QTMAN: variants seen among roughly 807,000 people sequenced by gnomAD.
QTMAN encodes tRNA-queuosine alpha-mannosyltransferase.
the QTMAN span, among the ~76,000 whole-genome samples, chr2:144,087,465 G>A: frequency 6.6e-6 from 1 of 151,998 alleles, no homozygotes; most frequent in Non-Finnish European, 1.5e-5. Flanking sequence ...TATGAGGCCA[G>A]CATCCCCATG....
At chr2:144,216,046 C>A in the QTMAN span, among the ~76,000 whole-genome samples, 11 of 152,288 alleles carry the variant, frequency 7.2e-5, no homozygotes, top group African/African-American at 2.6e-4. Flanking sequence ...AATTCCTTTT[C>A]CCCAACTTCC....
chr2:144,310,764 T>C, the QTMAN span, among the ~76,000 whole-genome samples: 4 of 152,202 alleles, frequency 2.6e-5, no homozygotes, highest in African/African-American at 7.2e-5. Context: ...TGGACTTAGA[T>C]GGCGAAGATT....
At chr2:144,233,015 C>T in the QTMAN span, among the ~76,000 whole-genome samples, 1 of 152,218 alleles carries the variant, frequency 6.6e-6, no homozygotes, top group Non-Finnish European at 1.5e-5. Flanking sequence ...AGTTCACTTG[C>T]TTATCTACCA....
the QTMAN span, among the ~76,000 whole-genome samples, chr2:144,059,575 T>C: frequency 6.6e-6 from 1 of 152,208 alleles, no homozygotes; most frequent in African/African-American, 2.4e-5. Flanking sequence ...GAATGATCTC[T>C]GGTATAGACT....
At chr2:144,037,213 G>A in the QTMAN span, among the ~76,000 whole-genome samples, 1 of 152,178 alleles carries the variant, frequency 6.6e-6, no homozygotes, top group Admixed American at 6.5e-5. Flanking sequence ...GAACTAAATA[G>A]AAATAGTGCT....
chr2:144,162,877 T>C, the QTMAN span, among the ~76,000 whole-genome samples: 1 of 152,136 alleles, frequency 6.6e-6, no homozygotes, highest in Non-Finnish European at 1.5e-5. Context: ...AGTTTGCAGA[T>C]AGGGGGCATC....
chr2:143,990,186 G>T, the QTMAN span, among the ~76,000 whole-genome samples: 1 of 152,040 alleles, frequency 6.6e-6, no homozygotes, highest in South Asian at 2.1e-4. Context: ...AATCCTGGCT[G>T]CACAGTAGAG....
the QTMAN span, among the ~76,000 whole-genome samples, chr2:144,127,369 A>G: frequency 6.6e-6 from 1 of 152,044 alleles, no homozygotes; most frequent in Non-Finnish European, 1.5e-5. Flanking sequence ...CCCAAGTTCT[A>G]TAAAAGGACT....
chr2:143,944,047 A>C, the QTMAN span: 1 of 152,186 alleles, frequency 6.6e-6, no homozygotes, highest in African/African-American at 2.4e-5. Context: ...AAAAAAAAAG[A>C]GGAAGACTAA....
chr2:144,070,910 C>T, the QTMAN span, among the ~76,000 whole-genome samples: 1 of 152,008 alleles, frequency 6.6e-6, no homozygotes, highest in African/African-American at 2.4e-5. Flanking sequence ...GTAAACCGTA[C>T]CATGACATGA....
the QTMAN span, among the ~76,000 whole-genome samples, chr2:144,045,439 T>C: frequency 6.6e-6 from 1 of 152,220 alleles, no homozygotes; most frequent in Non-Finnish European, 1.5e-5. Context: ...AGATGCAAGA[T>C]TTGAATCCAG....
At chr2:144,058,337 A>C in the QTMAN span, among the ~76,000 whole-genome samples, 1 of 152,168 alleles carries the variant, frequency 6.6e-6, no homozygotes, top group African/African-American at 2.4e-5. Context: ...GGAACTAAGT[A>C]ATATAAGCAG....
At chr2:144,107,489 A>G in the QTMAN span, among the ~76,000 whole-genome samples, 2 of 152,250 alleles carry the variant, frequency 1.3e-5, no homozygotes, top group East Asian at 3.8e-4. Flanking sequence ...CTATGAAAAT[A>G]AACTAGAAAA....
At chr2:144,286,154 G>C in the QTMAN span, among the ~76,000 whole-genome samples, 11 of 152,156 alleles carry the variant, frequency 7.2e-5, no homozygotes, top group African/African-American at 2.7e-4. Flanking sequence ...GTGTGCATGA[G>C]TAGCACTCAA....
chr2:144,101,134 C>T, the QTMAN span, among the ~76,000 whole-genome samples: 2 of 152,124 alleles, frequency 1.3e-5, no homozygotes, highest in Non-Finnish European at 2.9e-5. Context: ...TCCCACAGTG[C>T]TGGGATTACA....
chr2:144,054,342 A>G, the QTMAN span, among the ~76,000 whole-genome samples: 2 of 152,286 alleles, frequency 1.3e-5, no homozygotes, highest in African/African-American at 4.8e-5. Context: ...AACTACAAAC[A>G]GAATTCTACT....
the QTMAN span, among the ~76,000 whole-genome samples, chr2:144,151,123 C>A: frequency 6.6e-6 from 1 of 152,138 alleles, no homozygotes; most frequent in Non-Finnish European, 1.5e-5. Context: ...AGGGAAGTGA[C>A]AAAATCTTAT....
At chr2:144,087,680 C>T in the QTMAN span, among the ~76,000 whole-genome samples, 1 of 152,052 alleles carries the variant, frequency 6.6e-6, no homozygotes, top group Non-Finnish European at 1.5e-5. Flanking sequence ...TCATATATCA[C>T]ATCAACAACA....
chr2:144,318,768 A>G, the QTMAN span, among the ~76,000 whole-genome samples: 3 of 152,220 alleles, frequency 2.0e-5, no homozygotes, highest in African/African-American at 7.2e-5. Context: ...TGTATATGCT[A>G]TATAAAAAGT....
Sources: allele counts gnomAD v4.1 joint callset (sites outside exome capture counted in the v4.1 genomes callset), GRCh38; gene constraint gnomAD v4.1.1; transcripts MANE v1.5; gene names NCBI Gene and HGNC (gene_info 2026-07-23, HGNC 2026-07-21).